The following PCLO variants were observed in gnomAD, a reference collection of about 807,000 sequenced individuals.
PCLO encodes protein piccolo.
Under a neutral mutation model 427.5 loss-of-function variants are expected in PCLO, and 82 were observed. That is an observed-to-expected ratio of 0.19 (90% CI 0.16 to 0.23). PCLO has a LOEUF of 0.23. PCLO is among the 10% of genes least tolerant of loss of function. The pLI is 1.00. For missense variants in PCLO, 6,239 were observed against 6,115.9 expected, an observed-to-expected ratio of 1.02 and a Z score of -0.67; for synonymous variants, 2,357 against 2,155.4, an observed-to-expected ratio of 1.09 and a Z score of -2.59.
chr7:83,022,791 C>T (rs1788377982), intron 3 of PCLO, among the ~76,000 whole-genome samples: 1 of 152,082 alleles, frequency 6.6e-6, no homozygotes, highest in African/African-American at 2.4e-5. Flanking sequence ...GTGTAACAAA[C>T]ATGCAATAGC....
chr7:82,935,584 A>G (rs185295545), intron 6 of PCLO, among the ~76,000 whole-genome samples: 3 of 151,854 alleles, frequency 2.0e-5, no homozygotes, highest in Admixed American at 2.0e-4. Flanking sequence ...CTACACAAAG[A>G]TAAGTTTAAT....
chr7:83,019,344 C>T (rs1317296848), intron 3 of PCLO, among the ~76,000 whole-genome samples: 2 of 151,434 alleles, frequency 1.3e-5, no homozygotes, highest in Admixed American at 1.3e-4. Flanking sequence ...AATTTTAAAC[C>T]TATCTAGGCA....
intron 3 of PCLO, among the ~76,000 whole-genome samples, chr7:83,025,261 G>C (rs1174432393): frequency 6.6e-6 from 1 of 151,856 alleles, no homozygotes; most frequent in African/African-American, 2.4e-5. Context: ...GTGCTTAAAG[G>C]AGCTGATGGA....
At chr7:82,922,124 A>G (rs757488452) in intron 6 of PCLO, among the ~76,000 whole-genome samples, 1 of 151,978 alleles carries the variant, frequency 6.6e-6, no homozygotes, top group African/African-American at 2.4e-5. Context: ...AGGAATGCTT[A>G]AACACTCCTG....
intron 10 of PCLO, among the ~76,000 whole-genome samples, chr7:82,872,886 G>T (rs1030102600): frequency 2.6e-5 from 4 of 152,094 alleles, no homozygotes; most frequent in African/African-American, 9.7e-5. Context: ...AAAGACATGT[G>T]TGGCAAGATA....
At chr7:83,125,747 C>A (rs534742633) in intron 3 of PCLO, among the ~76,000 whole-genome samples, 1 of 152,222 alleles carries the variant, frequency 6.6e-6, no homozygotes, top group Non-Finnish European at 1.5e-5. Context: ...ACAAACACTG[C>A]GGAAGGTCGC....
At position 82,841,449 on chromosome 7, in the gene PCLO, A is replaced by T; in HGVS notation, c.14097+10T>A. 6.3e-7 allele frequency: 1 copy of T among 1,587,884 alleles called. No individual in the cohort carries two copies. The highest frequency in any genetic ancestry group is 8.6e-7 in the Non-Finnish European group (1 of 1,157,406). On this transcript the variant is annotated intron_variant, in intron 14 of 24. Coordinates refer to ENST00000333891, the MANE Select transcript of PCLO (RefSeq NM_033026.6). ...GTTATATAATGGCGACTTTTTAAAA[A>T]ACTTCATACCTGAATTTCTCCTGTA...
At chr7:83,087,858 A>G (rs1790277508) in intron 3 of PCLO, among the ~76,000 whole-genome samples, 1 of 152,148 alleles carries the variant, frequency 6.6e-6, no homozygotes, top group Non-Finnish European at 1.5e-5. Flanking sequence ...GTAGTTTTTA[A>G]AAATCATCTA....
intron 20 of PCLO, among the ~76,000 whole-genome samples, chr7:82,810,441 T>C (rs7791413): frequency 0.48 from 72,855 of 151,160 alleles, 18,376 homozygotes; most frequent in East Asian, 0.85. Flanking sequence ...TTTTGAAATC[T>C]TAAGTGTATT....
intron 3 of PCLO, among the ~76,000 whole-genome samples, chr7:83,003,602 T>C (rs1043772334): frequency 1.3e-5 from 2 of 151,896 alleles, no homozygotes; most frequent in Middle Eastern, 3.2e-3. Context: ...TCCGTTGAGA[T>C]GATAGGATTT....
intron 7 of PCLO, among the ~76,000 whole-genome samples, chr7:82,912,983 C>T (rs990082660): frequency 6.6e-6 from 1 of 151,960 alleles, no homozygotes; most frequent in Admixed American, 6.6e-5. Context: ...AAACTCTTTA[C>T]TCTTCTGCAA....
rs771750974 is a variant in PCLO at position 83,150,247 on chromosome 7, C to T, written c.1893+4501G>A. 3.4e-4 allele frequency among the ~76,000 whole-genome samples: 51 copies of T among 152,082 alleles called. 2 individuals are homozygous for T. The highest frequency in any genetic ancestry group is 2.1e-4 in the South Asian group (1 of 4,830). On this transcript the variant is annotated intron_variant, in intron 2 of 24. Coordinates refer to ENST00000333891, the MANE Select transcript of PCLO (RefSeq NM_033026.6). ...CTTCTGCCTCCAATTAGAAAGCAAA[C>T]GTTCAGGTTCTGTGTCAAAATGCAT...
At chr7:82,837,514 T>C (rs1792259785) in intron 15 of PCLO, among the ~76,000 whole-genome samples, 1 of 152,060 alleles carries the variant, frequency 6.6e-6, no homozygotes, top group Non-Finnish European at 1.5e-5. Context: ...GATAATAATT[T>C]GTAGGGTTCA....
intron 2 of PCLO, among the ~76,000 whole-genome samples, chr7:83,151,290 T>G (rs2116671731): frequency 6.6e-6 from 1 of 152,362 alleles, no homozygotes; most frequent in East Asian, 1.9e-4. Context: ...TCTAAGAATT[T>G]ATGATACTGT....
chr7:82,801,763 A>G (rs886563220), intron 21 of PCLO, among the ~76,000 whole-genome samples, 172 bp from the exon 22 acceptor site: 3 of 152,184 alleles, frequency 2.0e-5, no homozygotes, highest in African/African-American at 4.8e-5. Context: ...ACATACATAC[A>G]CAGTTAATTG....
chr7:82,981,145 T>C (rs966444195), intron 3 of PCLO, among the ~76,000 whole-genome samples: 4 of 151,688 alleles, frequency 2.6e-5, no homozygotes, highest in African/African-American at 9.7e-5. Context: ...AAAAAGAGTA[T>C]AGGCAACAGA....
At chr7:82,917,662 G>A (rs1794498801) in intron 6 of PCLO, among the ~76,000 whole-genome samples, 1 of 151,954 alleles carries the variant, frequency 6.6e-6, no homozygotes, top group Admixed American at 6.6e-5. Context: ...AAAATAAACT[G>A]ATGTACTTCA....
At chr7:82,774,567 T>A (rs1790710828) in intron 22 of PCLO, among the ~76,000 whole-genome samples, 1 of 152,186 alleles carries the variant, frequency 6.6e-6, no homozygotes, top group African/African-American at 2.4e-5. Context: ...CAAAATACTT[T>A]AATAATTTTT....
chr7:83,083,603 T>C (rs1790158178), intron 3 of PCLO, among the ~76,000 whole-genome samples: 1 of 152,068 alleles, frequency 6.6e-6, no homozygotes. Flanking sequence ...AAACATTCAA[T>C]ATTTTCATGG....
Sources: allele counts gnomAD v4.1 joint callset (sites outside exome capture counted in the v4.1 genomes callset), GRCh38; gene constraint gnomAD v4.1.1; transcripts MANE v1.5; gene names NCBI Gene and HGNC (gene_info 2026-07-23, HGNC 2026-07-21).